The following FBXL20 variants were observed in gnomAD, a reference collection of about 807,000 sequenced individuals.
FBXL20 encodes the protein F-box and leucine rich repeat protein 20, also known as F-box/LRR-repeat protein 20.
Under a neutral mutation model 64.0 loss-of-function variants are expected in FBXL20, and 11 were observed. That is an observed-to-expected ratio of 0.17 (90% confidence interval 0.11 to 0.28). The LOEUF (loss-of-function observed/expected upper bound fraction) is 0.28. FBXL20 is among the 10% of genes least tolerant of loss of function. FBXL20 has a pLI of 1.00. For synonymous variants in FBXL20, 184 were observed against 189.0 expected (o/e 0.97, Z 0.22); for missense variants, 303 against 526.2 (o/e 0.58, Z 4.15).
chr17:39,262,528 G>T (rs570170924), intron 14 of FBXL20, among the ~76,000 whole-genome samples: 8 of 152,052 alleles, frequency 5.3e-5, no homozygotes, highest in African/African-American at 1.9e-4. Context: ...TGATCCTCAT[G>T]CCTCAGCTTC....
chr17:39,398,902 T>C (rs765245141), intron 1 of FBXL20, among the ~76,000 whole-genome samples: 6 of 152,116 alleles, frequency 3.9e-5, no homozygotes, highest in Non-Finnish European at 8.8e-5. Context: ...CTTGAACTCC[T>C]GACCTCGTGA....
intron 1 of FBXL20, among the ~76,000 whole-genome samples, chr17:39,353,052 G>T (rs1197933103): frequency 6.6e-6 from 1 of 152,100 alleles, no homozygotes; most frequent in Non-Finnish European, 1.5e-5. Flanking sequence ...ACTCCATCTT[G>T]TATCATGAAG....
intron 2 of FBXL20, among the ~76,000 whole-genome samples, chr17:39,317,536 C>T (rs2047305023): frequency 6.7e-6 from 1 of 149,568 alleles, no homozygotes; most frequent in Non-Finnish European, 1.5e-5. Context: ...GACCAAGGTG[C>T]TTATTAAAAT....
At chr17:39,369,132 C>T (rs1046686057) in intron 1 of FBXL20, among the ~76,000 whole-genome samples, 4 of 151,760 alleles carry the variant, frequency 2.6e-5, no homozygotes, top group African/African-American at 9.7e-5. Flanking sequence ...ACCAAAAGTA[C>T]TATGCAATAG....
intron 2 of FBXL20, among the ~76,000 whole-genome samples, chr17:39,303,874 C>T (rs565419058): frequency 4.6e-5 from 7 of 152,130 alleles, no homozygotes; most frequent in South Asian, 4.2e-4. Context: ...TTTGTAGAAA[C>T]GGGGTTTCAC....
intron 2 of FBXL20, among the ~76,000 whole-genome samples, chr17:39,325,035 C>CT (rs2047397360): frequency 6.6e-6 from 1 of 152,174 alleles, no homozygotes; most frequent in South Asian, 2.1e-4. Context: ...TGGCAAAACT[C>CT]TGTCACTACA....
intron 2 of FBXL20, among the ~76,000 whole-genome samples, chr17:39,340,375 G>A (rs112546987): frequency 3.3e-5 from 5 of 152,040 alleles, no homozygotes; most frequent in African/African-American, 4.8e-5. Context: ...GATCACAGGC[G>A]TGAGCCACCG....
chr17:39,366,422 C>CT (rs1831012149), intron 1 of FBXL20, among the ~76,000 whole-genome samples: 1 of 152,156 alleles, frequency 6.6e-6, no homozygotes, highest in South Asian at 2.1e-4. Context: ...TTCCTACACT[C>CT]TAAGAAATTC....
intron 12 of FBXL20, among the ~76,000 whole-genome samples, chr17:39,265,937 G>C (rs2046787456): frequency 6.6e-6 from 1 of 151,984 alleles, no homozygotes. Context: ...GGCAGAAACA[G>C]GGTCTTGTTA....
intron 10 of FBXL20, 111 bp from the exon 11 acceptor site, chr17:39,270,967 T>C (rs537148976): frequency 1.2e-5 from 10 of 830,320 alleles, no homozygotes; most frequent in East Asian, 2.7e-5. Context: ...CTAAGGACTT[T>C]ATAATATAGA....
chr17:39,278,513 A>T (rs1027601536), intron 9 of FBXL20, among the ~76,000 whole-genome samples: 1 of 149,670 alleles, frequency 6.7e-6, no homozygotes, highest in African/African-American at 2.5e-5. Context: ...GTTTACAATA[A>T]CTGTGGTTGA....
upstream of FBXL20, chr17:39,402,342 G>T (rs1251739725): frequency 1.6e-6 from 1 of 640,816 alleles, no homozygotes; most frequent in Non-Finnish European, 2.2e-6. Context: ...ACGGGGTGCT[G>T]CAGGGAGGCC....
At chr17:39,390,085 T>A (rs1486531084) in intron 1 of FBXL20, among the ~76,000 whole-genome samples, 1 of 152,144 alleles carries the variant, frequency 6.6e-6, no homozygotes, top group African/African-American at 2.4e-5. Flanking sequence ...CACTACTAAA[T>A]TATTACTGTT....
chr17:39,295,772 T>C (rs1343196023), intron 6 of FBXL20, among the ~76,000 whole-genome samples: 1 of 147,976 alleles, frequency 6.8e-6, no homozygotes, highest in Non-Finnish European at 1.5e-5. Context: ...TTTGAAAATA[T>C]GCAAATATGG....
At chr17:39,298,898 C>T in intron 5 of FBXL20, 92 bp downstream of exon 5, 5 of 959,278 alleles carry the variant, frequency 5.2e-6, no homozygotes, top group Middle Eastern at 2.1e-4. Context: ...TTTTTAATAA[C>T]TTAGGAATTT....
intron 2 of FBXL20, among the ~76,000 whole-genome samples, chr17:39,313,985 T>G (rs923564824): frequency 2.0e-5 from 3 of 152,146 alleles, no homozygotes; most frequent in African/African-American, 2.4e-5. Flanking sequence ...TTCGGTGATT[T>G]TTTTTAGTAT....
chr17:39,380,799 A>G (rs1383323425), intron 1 of FBXL20, among the ~76,000 whole-genome samples: 1 of 152,192 alleles, frequency 6.6e-6, no homozygotes, highest in Non-Finnish European at 1.5e-5. Context: ...TGCTGACTGA[A>G]TTAGTGATGA....
chr17:39,282,144 C>G (rs867649391), intron 8 of FBXL20, among the ~76,000 whole-genome samples: 1 of 152,116 alleles, frequency 6.6e-6, no homozygotes, highest in Non-Finnish European at 1.5e-5. Flanking sequence ...TAGAGCCTAG[C>G]CTTAGTTTGT....
At chr17:39,338,131 T>A (rs1450161380) in intron 2 of FBXL20, among the ~76,000 whole-genome samples, 2 of 152,180 alleles carry the variant, frequency 1.3e-5, no homozygotes, top group Non-Finnish European at 2.9e-5. Flanking sequence ...AGAAATCGGA[T>A]GGTTGCCGTG....
Sources: allele counts gnomAD v4.1 joint callset (sites outside exome capture counted in the v4.1 genomes callset), GRCh38; gene constraint gnomAD v4.1.1; transcripts MANE v1.5; gene names NCBI Gene and HGNC (gene_info 2026-07-23, HGNC 2026-07-21).